Variants in REEP1 observed in about 807,000 individuals in gnomAD.
REEP1 encodes receptor expression-enhancing protein 1.
REEP1 carries 22 observed loss-of-function variants against 40.3 expected under a neutral mutation model. The observed-to-expected ratio is 0.55, with a 90% confidence interval of 0.39 to 0.78. The LOEUF (loss-of-function observed/expected upper bound fraction) is 0.78, where lower values mean the gene tolerates loss of function less well. REEP1 is among the 30% of genes least tolerant of loss of function. REEP1 has a pLI of 0.00. For synonymous variants in REEP1, 116 were observed against 139.2 expected (o/e 0.83, Z 1.17); for missense variants, 280 against 361.1 (o/e 0.78, Z 1.82).
At chr2:86,307,761 C>T (rs1679568712) in intron 1 of REEP1, among the ~76,000 whole-genome samples, 1 of 151,702 alleles carries the variant, frequency 6.6e-6, no homozygotes, top group Admixed American at 6.6e-5. Context: ...GAAAAAAATG[C>T]TATTTACAAA....
intron 5 of REEP1, among the ~76,000 whole-genome samples, chr2:86,242,930 T>G (rs1675741304): frequency 6.6e-6 from 1 of 151,958 alleles, no homozygotes; most frequent in Admixed American, 6.6e-5. Context: ...GGAGCTTGGG[T>G]GCCTGACAAG....
chr2:86,338,066 A>T (rs980959717), upstream of REEP1: 2 of 1,537,204 alleles, frequency 1.3e-6, no homozygotes, highest in African/African-American at 2.7e-5. Context: ...GTTGCTCAGC[A>T]CTTTCTGCAT....
intron 1 of REEP1, among the ~76,000 whole-genome samples, chr2:86,282,943 C>T (rs1230532980): frequency 2.6e-5 from 4 of 152,150 alleles, no homozygotes; most frequent in Non-Finnish European, 5.9e-5. Context: ...ATTCTCTCCA[C>T]CATGCACTAT....
intron 1 of REEP1, among the ~76,000 whole-genome samples, chr2:86,331,041 C>T (rs1003634326): frequency 2.6e-5 from 4 of 152,196 alleles, no homozygotes; most frequent in Non-Finnish European, 2.9e-5. Flanking sequence ...GCCCGAGCAA[C>T]CAGAACCAAG....
chr2:86,268,429 AG>A (rs1305530496), intron 2 of REEP1, among the ~76,000 whole-genome samples: 1 of 152,242 alleles, frequency 6.6e-6, no homozygotes, highest in Non-Finnish European at 1.5e-5. Flanking sequence ...TGTATCAAAC[AG>A]GATATGTAAA....
chr2:86,217,017 C>A lies in REEP1; in HGVS notation c.*22G>T. 1 of 1,601,838 alleles carries A rather than the reference C, an allele frequency of 6.2e-7. No homozygotes were observed. Among genetic ancestry groups the A allele is most frequent in the Non-Finnish European group, 8.6e-7 (1 of 1,168,998 alleles). ...GCAGAGAAGAAACATTCTGTGGATC[C>A]GGTGCTGTTGGCTCATCTCACTCAC... On this transcript the variant is annotated 3_prime_UTR_variant, in exon 9 of 9. Coordinates refer to ENST00000538924, the MANE Select transcript of REEP1 (RefSeq NM_001371279.1).
chr2:86,300,731 T>C (rs1324911865), intron 1 of REEP1, among the ~76,000 whole-genome samples: 2 of 152,164 alleles, frequency 1.3e-5, no homozygotes, highest in Non-Finnish European at 2.9e-5. Context: ...CTAAGGCCAG[T>C]TGGTTTTATC....
intron 1 of REEP1, among the ~76,000 whole-genome samples, chr2:86,327,839 T>C (rs1461996794): frequency 6.6e-6 from 1 of 152,096 alleles, no homozygotes; most frequent in Non-Finnish European, 1.5e-5. Flanking sequence ...AGTGCTGGGA[T>C]TACAGGCATG....
In REEP1 at chr2:86,264,039, G is replaced by A. The variant is rs1318374277; in HGVS notation, c.108C>T (p.Val36=). ...ATATAATCCAGTACATCATCCATTT[G>A]ACCTGTTGAAACAGAAAGCAACACA... is the stretch of plus-strand genomic sequence containing the variant. The part of the protein sequence containing the change: ...AVKSKDIKEY[V]KWMMYWIIFA... The change falls in exon 3 of 9, where the codon GTC becomes GTT. Residue 36 remains valine, a splice_region_variant and synonymous_variant. Transcript: ENST00000538924. 3 of 1,612,268 alleles carry A rather than the reference G, an allele frequency of 1.9e-6. No homozygotes were observed. The highest frequency in any genetic ancestry group is 2.5e-6 in the Non-Finnish European group (3 of 1,178,474).
intron 2 of REEP1, among the ~76,000 whole-genome samples, chr2:86,276,594 C>A (rs938975600): frequency 6.6e-6 from 1 of 152,182 alleles, no homozygotes; most frequent in Non-Finnish European, 1.5e-5. Context: ...CCGAAAGCAA[C>A]CAAGGTGGGA....
intron 1 of REEP1, among the ~76,000 whole-genome samples, chr2:86,328,691 A>T (rs1680625377): frequency 6.6e-6 from 1 of 152,168 alleles, no homozygotes; most frequent in South Asian, 2.1e-4. Context: ...AAAGAAAAAA[A>T]AGAAAGTGAG....
chr2:86,251,190 C>T (rs900664146), intron 5 of REEP1, among the ~76,000 whole-genome samples: 8 of 152,144 alleles, frequency 5.3e-5, no homozygotes, highest in South Asian at 2.1e-4. Flanking sequence ...CTGCTGATTT[C>T]ACATGAGAGG....
intron 8 of REEP1, among the ~76,000 whole-genome samples, chr2:86,217,769 C>A (rs1020017635): frequency 6.8e-6 from 1 of 147,550 alleles, no homozygotes; most frequent in Non-Finnish European, 1.5e-5. Flanking sequence ...ATGAGCATGA[C>A]CTTTGTGCGT....
At chr2:86,300,252 G>A (rs369675864) in intron 1 of REEP1, among the ~76,000 whole-genome samples, 15 of 152,218 alleles carry the variant, frequency 9.9e-5, no homozygotes, top group East Asian at 5.8e-4. Context: ...AGCCAAATCG[G>A]TCCACTCTCT....
At chr2:86,293,440 G>A (rs954538324) in intron 1 of REEP1, among the ~76,000 whole-genome samples, 1 of 152,220 alleles carries the variant, frequency 6.6e-6, no homozygotes, top group African/African-American at 2.4e-5. Context: ...GGTAGAAGAA[G>A]ATGATGACTA....
At chr2:86,220,775 G>A (rs1421500949) in intron 7 of REEP1, among the ~76,000 whole-genome samples, 3 of 151,418 alleles carry the variant, frequency 2.0e-5, no homozygotes, top group Admixed American at 2.0e-4. Context: ...TCTGACAGAT[G>A]CCTCTGCCAA....
chr2:86,275,081 C>T (rs771744060), intron 2 of REEP1, among the ~76,000 whole-genome samples: 1 of 152,230 alleles, frequency 6.6e-6, no homozygotes, highest in Non-Finnish European at 1.5e-5. Flanking sequence ...AAGCCTTTCA[C>T]ACCCTCTTGC....
chr2:86,249,361 C>T (rs899017973), intron 5 of REEP1, among the ~76,000 whole-genome samples: 3 of 152,150 alleles, frequency 2.0e-5, no homozygotes, highest in Admixed American at 6.5e-5. Context: ...CCCCGCTGCC[C>T]GGTTCCCACA....
chr2:86,226,468 CTTTT>C (rs745419771), intron 7 of REEP1, among the ~76,000 whole-genome samples: 1 of 24,844 alleles, frequency 4.0e-5, no homozygotes, highest in Non-Finnish European at 1.1e-4. Flanking sequence ...TTTTTCTTTT[CTTTT>C]TTTTTTTTTT....
Sources: allele counts gnomAD v4.1 joint callset (sites outside exome capture counted in the v4.1 genomes callset), GRCh38; gene constraint gnomAD v4.1.1; transcripts MANE v1.5; gene names NCBI Gene and HGNC (gene_info 2026-07-23, HGNC 2026-07-21).